HTR1F: variants seen among roughly 807,000 people sequenced by gnomAD.
HTR1F encodes the protein 5-hydroxytryptamine receptor 1F, also known as 5-hydroxytryptamine (serotonin) receptor 1F, G protein-coupled.
A neutral mutation model predicts 24.0 loss-of-function variants in HTR1F; 17 were observed. The ratio of observed to expected loss-of-function variants is 0.71; its 90% CI spans 0.48 to 1.06. The LOEUF is 1.06. HTR1F is among the 50% of genes least tolerant of loss of function. The pLI is 0.00. For missense variants in HTR1F, 391 were observed against 427.8 expected, an observed-to-expected ratio of 0.91 and a Z score of 0.76; for synonymous variants, 186 against 156.8, an observed-to-expected ratio of 1.19 and a Z score of -1.39.
chr3:87,932,791 C>A (rs1367890260), intron 2 of HTR1F, among the ~76,000 whole-genome samples: 3 of 151,868 alleles, frequency 2.0e-5, no homozygotes, highest in Non-Finnish European at 4.4e-5. Context: ...GGAGATGGTA[C>A]CATTCCTTCT....
At chr3:87,923,740 A>G (rs1704062052) in intron 2 of HTR1F, among the ~76,000 whole-genome samples, 1 of 151,984 alleles carries the variant, frequency 6.6e-6, no homozygotes, top group Non-Finnish European at 1.5e-5. Context: ...TTTTTTCTGC[A>G]TCTGTTGAGA....
chr3:87,844,553 T>G (rs529367901), intron 2 of HTR1F, among the ~76,000 whole-genome samples: 78 of 129,436 alleles, frequency 6.0e-4, no homozygotes, highest in Non-Finnish European at 7.4e-4. Context: ...TTTGTCAATT[T>G]TGGCTTTTGT....
In HTR1F at chr3:87,988,676, C is replaced by T. The variant is rs558448326; in HGVS notation, c.-42-2032C>T. On this transcript the variant is annotated intron_variant, in intron 2 of 2. Coordinates refer to ENST00000319595, the MANE Select transcript of HTR1F (RefSeq NM_001322209.2). Reference sequence around the variant, plus strand: ...TTGGCTCACTGCAACCTCCACTTCCCGAGTTCAAGCACCTCCGAAGTAGCT... The same window carrying T: ...TTGGCTCACTGCAACCTCCACTTCCTGAGTTCAAGCACCTCCGAAGTAGCT... Among the ~76,000 whole-genome samples, 40 of 152,082 alleles carry T rather than the reference C, an allele frequency of 2.6e-4. 1 individual carries two copies. The East Asian group carries it at 4.8e-3, about 18-fold the overall frequency.
intron 2 of HTR1F, among the ~76,000 whole-genome samples, chr3:87,950,656 A>C (rs1704813882): frequency 1.3e-5 from 2 of 152,184 alleles, no homozygotes; most frequent in African/African-American, 2.4e-5. Context: ...TAATACATGG[A>C]ATGGCAAGTC....
chr3:87,957,715 C>A (rs1327458841), intron 2 of HTR1F, among the ~76,000 whole-genome samples: 1 of 150,960 alleles, frequency 6.6e-6, no homozygotes, highest in African/African-American at 2.4e-5. Flanking sequence ...CTTTTTTTAT[C>A]CTTTTAATAT....
chr3:87,800,966 T>C (rs1182014957), intron 1 of HTR1F, among the ~76,000 whole-genome samples: 2 of 152,230 alleles, frequency 1.3e-5, no homozygotes, highest in Middle Eastern at 3.2e-3. Context: ...TCAAGAAAAG[T>C]ATATAGTCTC....
rs1705805678 is a variant in HTR1F, at chr3:87,990,847, T to C, written c.98T>C (p.Leu33Pro). 3.7e-6 allele frequency: 6 copies of C among 1,614,112 alleles called. No homozygotes were observed. The South Asian group carries it at 6.6e-5, about 18-fold the overall frequency. ...KILVSLTLSGLALMTTTINSL... is the reference protein window; with the variant it reads ...KILVSLTLSGPALMTTTINSL... ...CTGGTGTCCCTCACTCTGTCTGGGCTGGCACTGATGACAACAACTATCAAC... is the reference window on the plus strand; with the variant it reads ...CTGGTGTCCCTCACTCTGTCTGGGCCGGCACTGATGACAACAACTATCAAC... The change falls in exon 3 of 3, where the codon CTG becomes CCG. Residue 33 changes from leucine to proline, a missense_variant. Physicochemically the swap from Leu to Pro is moderately conservative, Grantham distance 98. Transcript: ENST00000319595.
At chr3:87,869,440 G>C (rs932208883) in intron 2 of HTR1F, among the ~76,000 whole-genome samples, 13 of 75,732 alleles carry the variant, frequency 1.7e-4, no homozygotes, top group Admixed American at 6.0e-4. Context: ...TAGATACATA[G>C]ATAGATAGAT....
chr3:87,931,057 T>G (rs113489085), intron 2 of HTR1F, among the ~76,000 whole-genome samples: 4 of 144,734 alleles, frequency 2.8e-5, no homozygotes, highest in Non-Finnish European at 3.0e-5. Context: ...ACTTTTTTTA[T>G]TGTTATTATT....
chr3:87,892,281 A>C (rs563315563), intron 2 of HTR1F, among the ~76,000 whole-genome samples: 9 of 152,226 alleles, frequency 5.9e-5, no homozygotes, highest in Non-Finnish European at 1.0e-4. Flanking sequence ...TATGCTGCAA[A>C]ACAGCAAAAG....
Position 87,989,736 on chromosome 3 carries a change from T to C in HTR1F, c.-42-972T>C, listed in dbSNP as rs542481885. On this transcript the variant is annotated intron_variant, in intron 2 of 2. Transcript: ENST00000319595. The stretch of plus-strand genomic sequence containing the variant: ...TATATTGCATCATACAGTGCACAAA[T>C]GGTGTGTGCTTTTGTTCCCAGACCA... Among the ~76,000 whole-genome samples, 6 of 152,300 alleles carry C rather than the reference T, an allele frequency of 3.9e-5. No homozygotes were observed. The East Asian group carries it at 1.2e-3, about 29-fold the overall frequency.
At chr3:87,958,007 A>C (rs187838125) in intron 2 of HTR1F, among the ~76,000 whole-genome samples, 94 of 151,492 alleles carry the variant, frequency 6.2e-4, no homozygotes, top group African/African-American at 2.2e-3. Context: ...GATTTATAAT[A>C]TAAAAATAAG....
At chr3:87,856,516 C>T (rs1205925918) in intron 2 of HTR1F, among the ~76,000 whole-genome samples, 10 of 151,940 alleles carry the variant, frequency 6.6e-5, no homozygotes, top group East Asian at 3.9e-4. Flanking sequence ...TTTAAAGTGT[C>T]CCATAAATAG....
At chr3:87,845,531 G>A (rs1704921341) in intron 2 of HTR1F, among the ~76,000 whole-genome samples, 1 of 149,936 alleles carries the variant, frequency 6.7e-6, no homozygotes, top group Non-Finnish European at 1.5e-5. Context: ...TACAAGGGAT[G>A]TGAAGGACCT....
At chr3:87,941,588 G>A (rs1418701863) in intron 2 of HTR1F, among the ~76,000 whole-genome samples, 1 of 152,108 alleles carries the variant, frequency 6.6e-6, no homozygotes, top group Non-Finnish European at 1.5e-5. Flanking sequence ...TCAAGTCTTG[G>A]GATAATGCCT....
rs749266249 is a variant in HTR1F, at chr3:87,991,281, C to T, written c.532C>T (p.His178Tyr). Reference sequence around the variant, plus strand: ...TGATGAATGCATCATCAAGCACGACCACATTGTTTCCACCATTTACTCAAC... The same window carrying T: ...TGATGAATGCATCATCAAGCACGACTACATTGTTTCCACCATTTACTCAAC... ...RDDECIIKHDHIVSTIYSTFG... is the reference protein window; with the variant it reads ...RDDECIIKHDYIVSTIYSTFG... The change falls in exon 3 of 3, where the codon CAC becomes TAC. Residue 178 changes from histidine to tyrosine, a missense_variant. His to Tyr is a moderately conservative substitution (Grantham distance 83). Transcript: ENST00000319595. 3 of 1,613,856 alleles carry T rather than the reference C, an allele frequency of 1.9e-6. No homozygotes were observed. Among genetic ancestry groups the T allele is most frequent in the Admixed American group, 3.3e-5 (2 of 59,980 alleles).
intron 1 of HTR1F, among the ~76,000 whole-genome samples, chr3:87,803,447 A>G (rs1704025756): frequency 6.6e-6 from 1 of 152,102 alleles, no homozygotes; most frequent in Non-Finnish European, 1.5e-5. Flanking sequence ...CTAAGGGGGG[A>G]AAATCTATCC....
intron 2 of HTR1F, among the ~76,000 whole-genome samples, chr3:87,967,571 G>T (rs1705193318): frequency 9.6e-6 from 1 of 104,524 alleles, no homozygotes; most frequent in African/African-American, 3.2e-5. Flanking sequence ...GATCCGGTGG[G>T]AGGTAATTGA....
intron 1 of HTR1F, among the ~76,000 whole-genome samples, chr3:87,795,709 A>G (rs984948315): frequency 6.6e-6 from 1 of 152,214 alleles, no homozygotes; most frequent in Non-Finnish European, 1.5e-5. Flanking sequence ...TAAATTAGAC[A>G]GAGAAGAAAT....
Sources: allele counts gnomAD v4.1 joint callset (sites outside exome capture counted in the v4.1 genomes callset), GRCh38; gene constraint gnomAD v4.1.1; transcripts MANE v1.5; gene names NCBI Gene and HGNC (gene_info 2026-07-23, HGNC 2026-07-21).